Variants in TOP6BL observed in about 807,000 individuals in gnomAD.
TOP6BL encodes TOP6B like initiator of meiotic double strand breaks, also known as type 2 DNA topoisomerase 6 subunit B-like.
chr11:66,840,933 A>T, the TOP6BL span, among the ~76,000 whole-genome samples: 1 of 152,110 alleles, frequency 6.6e-6, no homozygotes, highest in Non-Finnish European at 1.5e-5. Flanking sequence ...TGGTATGACC[A>T]GCCAAGGCCT....
chr11:66,756,371 T>C, the TOP6BL span: 3 of 1,197,300 alleles, frequency 2.5e-6, no homozygotes, highest in South Asian at 1.5e-5. Flanking sequence ...CTCACTCTGT[T>C]ACCCAGGCCG....
At chr11:66,802,465 A>C in the TOP6BL span, among the ~76,000 whole-genome samples, 261 of 152,132 alleles carry the variant, frequency 1.7e-3, 2 homozygotes, top group Middle Eastern at 6.8e-3. Flanking sequence ...TATACTGCTA[A>C]TTTAAAAAAA....
chr11:66,796,456 G>A, the TOP6BL span: 1 of 943,374 alleles, frequency 1.1e-6, no homozygotes, highest in Non-Finnish European at 1.6e-6. Flanking sequence ...AGATGTGATT[G>A]GTTCTTTTTC....
the TOP6BL span, among the ~76,000 whole-genome samples, chr11:66,787,521 C>A: frequency 3.8e-3 from 537 of 139,984 alleles, 3 homozygotes; most frequent in Non-Finnish European, 5.5e-3. Flanking sequence ...GCCTGGCCAA[C>A]GTGATGAAAC....
the TOP6BL span, among the ~76,000 whole-genome samples, chr11:66,800,149 G>C: frequency 6.6e-6 from 1 of 151,886 alleles, no homozygotes; most frequent in Non-Finnish European, 1.5e-5. Context: ...GACAAATACT[G>C]TATGATTTCA....
chr11:66,834,405 A>T, the TOP6BL span, among the ~76,000 whole-genome samples: 1 of 152,176 alleles, frequency 6.6e-6, no homozygotes, highest in African/African-American at 2.4e-5. Flanking sequence ...CCATTTAGTG[A>T]TAAATAACTT....
At chr11:66,748,513 A>G in the TOP6BL span, 1 of 1,539,742 alleles carries the variant, frequency 6.5e-7, no homozygotes, top group Non-Finnish European at 8.8e-7. Context: ...ATTGTGTAAC[A>G]ACTAGTAAGT....
chr11:66,747,996 A>G, the TOP6BL span, among the ~76,000 whole-genome samples: 1 of 152,182 alleles, frequency 6.6e-6, no homozygotes, highest in South Asian at 2.1e-4. Context: ...TCATAACCAG[A>G]TGCCACTCTT....
chr11:66,769,771 C>G, the TOP6BL span, among the ~76,000 whole-genome samples: 1 of 151,546 alleles, frequency 6.6e-6, no homozygotes, highest in Non-Finnish European at 1.5e-5. Context: ...GACAGAGTCT[C>G]ACTCTGTCGC....
chr11:66,794,266 T>C, the TOP6BL span, among the ~76,000 whole-genome samples: 1 of 152,066 alleles, frequency 6.6e-6, no homozygotes, highest in Non-Finnish European at 1.5e-5. Context: ...TACATGGCTG[T>C]GTATTCTCTG....
chr11:66,839,175 G>A, the TOP6BL span: 2 of 456,186 alleles, frequency 4.4e-6, no homozygotes, highest in African/African-American at 4.0e-5. Flanking sequence ...GGGTACAGCA[G>A]CTCTCACATT....
At chr11:66,843,153 C>T in the TOP6BL span, 126 of 1,610,716 alleles carry the variant, frequency 7.8e-5, no homozygotes, top group South Asian at 1.3e-3. Context: ...CACCCCGGGC[C>T]CCCTTGTTCC....
the TOP6BL span, among the ~76,000 whole-genome samples, chr11:66,760,254 G>C: frequency 6.9e-6 from 1 of 145,684 alleles, no homozygotes; most frequent in African/African-American, 2.5e-5. Flanking sequence ...TTCAAGACTG[G>C]TCAACATGGT....
At chr11:66,781,304 A>G in the TOP6BL span, among the ~76,000 whole-genome samples, 18 of 151,946 alleles carry the variant, frequency 1.2e-4, no homozygotes, top group Non-Finnish European at 2.2e-4. Context: ...CAGTGATTTT[A>G]CTGACTCTTC....
At chr11:66,782,981 GTTAT>G in the TOP6BL span, among the ~76,000 whole-genome samples, 22 of 152,148 alleles carry the variant, frequency 1.4e-4, no homozygotes, top group African/African-American at 4.3e-4. Flanking sequence ...TTGTTTAGTG[GTTAT>G]TTGAGGACTT....
the TOP6BL span, among the ~76,000 whole-genome samples, chr11:66,774,459 T>C: frequency 1.3e-5 from 2 of 152,060 alleles, no homozygotes; most frequent in Non-Finnish European, 2.9e-5. Context: ...TTGTTTTGTT[T>C]TGTTTTGTGC....
the TOP6BL span, among the ~76,000 whole-genome samples, chr11:66,757,329 T>A: frequency 6.6e-6 from 1 of 152,128 alleles, no homozygotes; most frequent in South Asian, 2.1e-4. Context: ...GGCGACAGAC[T>A]CTGTCTCAGT....
chr11:66,839,437 C>T, the TOP6BL span, among the ~76,000 whole-genome samples: 1 of 152,222 alleles, frequency 6.6e-6, no homozygotes, highest in Admixed American at 6.5e-5. Flanking sequence ...GGATGCCCTC[C>T]TACAGATCCT....
chr11:66,808,509 C>T, the TOP6BL span, among the ~76,000 whole-genome samples: 5 of 149,878 alleles, frequency 3.3e-5, no homozygotes, highest in East Asian at 1.9e-4. Context: ...GCCTGGGTGA[C>T]GTGAGACCAG....
Sources: gnomAD v4.1 joint callset for allele counts (sites outside exome capture counted in the v4.1 genomes callset) on GRCh38, gnomAD v4.1.1 for gene constraint, MANE v1.5 for transcripts, NCBI Gene and HGNC (gene_info 2026-07-23, HGNC 2026-07-21) for gene names.